SOX5: variants seen among roughly 807,000 people sequenced by gnomAD.
SOX5 encodes the protein transcription factor SOX-5.
SOX5 carries 9 observed loss-of-function variants against 92.0 expected under a neutral mutation model. That is an observed-to-expected ratio of 0.10 (90% CI 0.06 to 0.17). The LOEUF (loss-of-function observed/expected upper bound fraction) is 0.17. Among genes scored for constraint, SOX5 ranks in the 10% least tolerant of loss-of-function variants. SOX5 has a pLI of 1.00. For missense variants in SOX5, 642 were observed against 944.5 expected (o/e 0.68, Z 4.20); for synonymous variants, 344 against 336.3 (o/e 1.02, Z -0.25).
At chr12:24,432,384 A>G (rs1938524778) in intron 1 of SOX5, among the ~76,000 whole-genome samples, 1 of 152,222 alleles carries the variant, frequency 6.6e-6, no homozygotes, top group East Asian at 1.9e-4. Flanking sequence ...AAAGCCCCCA[A>G]TAAAAGTAAC....
At chr12:23,939,452 G>A (rs536764691) in intron 1 of SOX5, among the ~76,000 whole-genome samples, 2 of 150,616 alleles carry the variant, frequency 1.3e-5, no homozygotes, top group East Asian at 1.9e-4. Context: ...ATTAAAAGCG[G>A]CAGGAATCAA....
At chr12:23,896,074 T>G in intron 1 of SOX5, 50 bp from the exon 2 acceptor site, 1 of 1,281,384 alleles carries the variant, frequency 7.8e-7, no homozygotes, top group Non-Finnish European at 1.1e-6. Context: ...CATAAATCCT[T>G]AATGCCGTCA....
At chr12:24,308,373 G>A (rs548745727) in intron 2 of SOX5, among the ~76,000 whole-genome samples, 4 of 152,254 alleles carry the variant, frequency 2.6e-5, no homozygotes, top group East Asian at 3.9e-4. Context: ...CAAGTTGCCC[G>A]TTTGGCCCTC....
At chr12:24,083,096 A>C (rs1223960902) in intron 4 of SOX5, among the ~76,000 whole-genome samples, 1 of 151,948 alleles carries the variant, frequency 6.6e-6, no homozygotes, top group African/African-American at 2.4e-5. Context: ...CAGCATATAG[A>C]TTTTCATGTG....
chr12:24,478,955 A>T (rs1000314748), intron 1 of SOX5, among the ~76,000 whole-genome samples: 1 of 152,196 alleles, frequency 6.6e-6, no homozygotes, highest in African/African-American at 2.4e-5. Context: ...CATCCAGCTT[A>T]TTGAAGGACT....
At chr12:24,506,622 T>C (rs1343265240) in intron 1 of SOX5, among the ~76,000 whole-genome samples, 1 of 152,000 alleles carries the variant, frequency 6.6e-6, no homozygotes, top group Non-Finnish European at 1.5e-5. Context: ...AGAGTGGCTA[T>C]AGTTTGGCTC....
At chr12:24,433,209 T>C (rs1287569116) in intron 1 of SOX5, among the ~76,000 whole-genome samples, 3 of 152,192 alleles carry the variant, frequency 2.0e-5, no homozygotes, top group African/African-American at 4.8e-5. Context: ...ATTGAGGTGA[T>C]TGTTCTCAGT....
intron 3 of SOX5, among the ~76,000 whole-genome samples, chr12:23,782,794 C>A (rs1488458576): frequency 6.6e-6 from 1 of 152,074 alleles, no homozygotes; most frequent in Non-Finnish European, 1.5e-5. Context: ...CTTTTTAAAA[C>A]TATAGTTTTG....
At chr12:23,774,961 C>G (rs896463664) in intron 3 of SOX5, among the ~76,000 whole-genome samples, 2 of 152,116 alleles carry the variant, frequency 1.3e-5, no homozygotes, top group Admixed American at 1.3e-4. Context: ...CAAAATTCAA[C>G]TACTTATCTC....
intron 2 of SOX5, among the ~76,000 whole-genome samples, chr12:24,363,890 G>A (rs1955870081): frequency 6.6e-6 from 1 of 152,184 alleles, no homozygotes. Context: ...GCCCAAATCT[G>A]TCACCAACCT....
At chr12:23,627,577 G>T (rs1592717362) in intron 8 of SOX5, among the ~76,000 whole-genome samples, 1 of 152,154 alleles carries the variant, frequency 6.6e-6, no homozygotes, top group South Asian at 2.1e-4. Flanking sequence ...ACTACGCTGA[G>T]TATTTCGTGT....
At chr12:24,040,004 T>G (rs1329882109) in intron 4 of SOX5, among the ~76,000 whole-genome samples, 4 of 152,110 alleles carry the variant, frequency 2.6e-5, no homozygotes, top group Non-Finnish European at 1.5e-5. Flanking sequence ...TGCTTAAAAT[T>G]TAATTACTTA....
chr12:24,276,225 G>A (rs1944413121), intron 3 of SOX5, among the ~76,000 whole-genome samples: 1 of 151,752 alleles, frequency 6.6e-6, no homozygotes, highest in Non-Finnish European at 1.5e-5. Flanking sequence ...ATATTATATT[G>A]TTTCATTTGT....
In SOX5 at chr12:24,413,095, A is replaced by G. The variant is rs573191877; in HGVS notation, c.-250-44456T>C. On this transcript the variant is annotated intron_variant, in intron 1 of 4. Coordinates refer to the SOX5 transcript ENST00000446891. ...TGGTTACCAACGTTGAGGTTCCTCT[A>G]TATCTTTGCTGATTATCTGTCTAGT... is the stretch of plus-strand genomic sequence containing the variant. 3.5e-4 allele frequency among the ~76,000 whole-genome samples: 53 copies of G among 152,286 alleles called. No homozygotes were observed. In the South Asian group the frequency reaches 9.1e-3, roughly 26 times the overall value.
intron 4 of SOX5, among the ~76,000 whole-genome samples, chr12:24,050,844 C>CTTA (rs746571139): frequency 4.6e-5 from 7 of 151,494 alleles, no homozygotes; most frequent in Admixed American, 2.0e-4. Context: ...TCTTCTTCTT[C>CTTA]TTATTATTAT....
At chr12:23,705,044 T>C (rs1333328303) in intron 6 of SOX5, among the ~76,000 whole-genome samples, 1 of 151,932 alleles carries the variant, frequency 6.6e-6, no homozygotes, top group African/African-American at 2.4e-5. Context: ...TTTTCAAATA[T>C]GAGGCAGAAA....
At chr12:24,039,285 T>C (rs1054929582) in intron 4 of SOX5, among the ~76,000 whole-genome samples, 22 of 151,376 alleles carry the variant, frequency 1.5e-4, no homozygotes, top group Non-Finnish European at 1.5e-5. Flanking sequence ...CTAAGTAAGA[T>C]TGGCTATGAC....
intron 4 of SOX5, among the ~76,000 whole-genome samples, chr12:24,004,981 A>T (rs1191449160): frequency 6.6e-6 from 1 of 152,180 alleles, no homozygotes; most frequent in Non-Finnish European, 1.5e-5. Context: ...TGAACTCAAA[A>T]ATATTACCCT....
chr12:24,190,548 G>C (rs1208819066), intron 4 of SOX5, among the ~76,000 whole-genome samples: 2 of 152,150 alleles, frequency 1.3e-5, no homozygotes, highest in Admixed American at 1.3e-4. Context: ...TAACTACTGG[G>C]GCTCTATGAA....
Sources: allele counts gnomAD v4.1 joint callset (sites outside exome capture counted in the v4.1 genomes callset), GRCh38; gene constraint gnomAD v4.1.1; transcripts MANE v1.5; gene names NCBI Gene and HGNC (gene_info 2026-07-23, HGNC 2026-07-21).